ANO3: variants seen among roughly 807,000 people sequenced by gnomAD.
ANO3 encodes anoctamin 3, also known as anoctamin-3.
In ANO3, 99 loss-of-function variants were observed where a neutral mutation model predicts 144.8. That is an observed-to-expected ratio of 0.68 (90% CI 0.58 to 0.81). The LOEUF is 0.81. Ranked by LOEUF, ANO3 falls within the 30% of genes least tolerant of loss-of-function variation. ANO3 has a pLI of 0.00. For synonymous variants in ANO3, 414 were observed against 392.6 expected (o/e 1.05, Z -0.64); for missense variants, 905 against 1,202.2 (o/e 0.75, Z 3.66).
intron 11 of ANO3, among the ~76,000 whole-genome samples, chr11:26,545,727 A>G (rs867632097): frequency 1.3e-4 from 19 of 142,226 alleles, no homozygotes; most frequent in African/African-American, 4.9e-4. Context: ...AAAAAAAAAA[A>G]CAGATAAAAA....
At chr11:26,300,855 C>CTTTTTTTTTTTTTTTTTTTTTTTTTT (rs376885670) in intron 1 of ANO3, among the ~76,000 whole-genome samples, 3 of 129,068 alleles carry the variant, frequency 2.3e-5, no homozygotes, top group South Asian at 2.4e-4. Context: ...TCTTTTTTTT[C>CTTTTTTTTTTTTTTTTTTTTTTTTTT]TTTTTTTTTT....
At chr11:26,308,135 T>A (rs1314147094), upstream of ANO3, among the ~76,000 whole-genome samples, 4 of 152,232 alleles carry the variant, frequency 2.6e-5, no homozygotes, top group Non-Finnish European at 5.9e-5. Context: ...ATCATGTTGA[T>A]GGCACAATTG....
rs1176354123 is a variant in ANO3, at chr11:26,641,971, T to C, written c.2217T>C (p.Asn739=). ...ATGCTTCCATACCTCAGTGGGAAAA[T>C]GATTGGAATCTGCAGCCCATGAACC... The part of the protein sequence containing the change: ...IHDASIPQWE[N]DWNLQPMNLH... The change falls in exon 22 of 27, where the codon AAT becomes AAC. Residue 739 remains asparagine, a synonymous_variant. Coordinates refer to ENST00000256737, the MANE Select transcript of ANO3 (RefSeq NM_031418.4). 1 of 1,613,934 alleles carries C rather than the reference T, an allele frequency of 6.2e-7. No individual in the cohort carries two copies. The highest frequency in any genetic ancestry group is 8.5e-7 in the Non-Finnish European group (1 of 1,179,958).
At position 26,662,102 on chromosome 11, in the gene ANO3, T is replaced by A. The variant is rs1853894428; in HGVS notation, c.*1658T>A. The A allele has an allele frequency of 6.6e-6, 1 of 152,112 alleles. No homozygotes were observed. 9.4% of individuals were successfully genotyped at this position (152,112 alleles called of 1,614,324 possible). ...TTACTAGAAAACTATTTTCTAAATA[T>A]TAACACTGAAAATGTTTTGTTAGCT... On this transcript the variant is annotated 3_prime_UTR_variant, in exon 27 of 27. Transcript: ENST00000256737.
chr11:26,652,807 C>T (rs1056906316), intron 24 of ANO3, among the ~76,000 whole-genome samples: 1 of 152,154 alleles, frequency 6.6e-6, no homozygotes, highest in Admixed American at 6.5e-5. Flanking sequence ...TGTGTATGCC[C>T]CATGGCTCCG....
At chr11:26,583,928 G>T (rs544994619) in intron 14 of ANO3, among the ~76,000 whole-genome samples, 1 of 152,248 alleles carries the variant, frequency 6.6e-6, no homozygotes, top group African/African-American at 2.4e-5. Context: ...ACAATGCTTG[G>T]AGTTCCTTTT....
At chr11:26,492,950 T>C (rs1194617787) in intron 4 of ANO3, among the ~76,000 whole-genome samples, 1 of 152,178 alleles carries the variant, frequency 6.6e-6, no homozygotes, top group Non-Finnish European at 1.5e-5. Flanking sequence ...TAGGCTGCAC[T>C]GTTTCCCATA....
At chr11:26,433,871 T>C (rs1311763331) in intron 1 of ANO3, among the ~76,000 whole-genome samples, 3 of 152,146 alleles carry the variant, frequency 2.0e-5, no homozygotes, top group Non-Finnish European at 2.9e-5. Flanking sequence ...CTTTTTGTTA[T>C]GCCTCTACCA....
intron 18 of ANO3, among the ~76,000 whole-genome samples, chr11:26,627,838 T>TGTGTGTG (rs1852638093): frequency 7.0e-6 from 1 of 141,864 alleles, no homozygotes; most frequent in African/African-American, 2.7e-5. Flanking sequence ...TGTGTGTGTG[T>TGTGTGTG]GTGTGTGTGT....
At chr11:26,529,129 ATAATATATATTATATAATAATATAT>A (rs1565081431) in intron 7 of ANO3, among the ~76,000 whole-genome samples, 26 of 1,070 alleles carry the variant, frequency 0.024, 6 homozygotes, top group Non-Finnish European at 0.19. Context: ...TATATTATAT[ATAATATATATTATATAATAATATAT>A]ATTATATATA....
At chr11:26,656,322 G>T in intron 25 of ANO3, 54 bp from the exon 26 acceptor site, 1 of 1,468,848 alleles carries the variant, frequency 6.8e-7, no homozygotes, top group Non-Finnish European at 9.5e-7. Context: ...AGAAAATTTG[G>T]GCCTCCACTC....
intron 4 of ANO3, among the ~76,000 whole-genome samples, chr11:26,494,758 A>G (rs1224956554): frequency 3.3e-5 from 5 of 152,324 alleles, no homozygotes; most frequent in African/African-American, 1.2e-4. Context: ...TGCCTGACCC[A>G]TAAGTTCCTA....
At chr11:26,514,902 C>T (rs186378036) in intron 5 of ANO3, among the ~76,000 whole-genome samples, 4 of 152,126 alleles carry the variant, frequency 2.6e-5, no homozygotes, top group Admixed American at 6.6e-5. Flanking sequence ...GGAAGATTCA[C>T]TAAAAGAGAA....
intron 10 of ANO3, among the ~76,000 whole-genome samples, chr11:26,537,805 T>G (rs1565089315): frequency 1.3e-5 from 2 of 152,212 alleles, no homozygotes; most frequent in Non-Finnish European, 2.9e-5. Context: ...CCTACTACTT[T>G]GGGATACTTG....
At chr11:26,418,703 A>AGC (rs573513821) in intron 1 of ANO3, among the ~76,000 whole-genome samples, 40 of 151,724 alleles carry the variant, frequency 2.6e-4, no homozygotes, top group South Asian at 2.5e-3. Context: ...CAAACAAACA[A>AGC]GCGCGCGCGC....
intron 1 of ANO3, among the ~76,000 whole-genome samples, chr11:26,292,193 G>T (rs1853974379): frequency 6.6e-6 from 1 of 151,914 alleles, no homozygotes; most frequent in Non-Finnish European, 1.5e-5. Flanking sequence ...TCTTCCACTT[G>T]ATCCAATCAG....
chr11:26,303,277 G>T (rs577386938), intron 1 of ANO3, among the ~76,000 whole-genome samples: 10 of 152,190 alleles, frequency 6.6e-5, no homozygotes, highest in Non-Finnish European at 1.0e-4. Flanking sequence ...CAATGGAAAT[G>T]ACATGAGATC....
chr11:26,201,903 C>T (rs1449245789), intron 1 of ANO3, among the ~76,000 whole-genome samples: 1 of 151,324 alleles, frequency 6.6e-6, no homozygotes, highest in Non-Finnish European at 1.5e-5. Context: ...GAACATATAG[C>T]TATCAAATGG....
chr11:26,535,826 G>T (rs898099410), intron 9 of ANO3, among the ~76,000 whole-genome samples: 1 of 151,014 alleles, frequency 6.6e-6, no homozygotes, highest in Non-Finnish European at 1.5e-5. Flanking sequence ...CTGGTGATCT[G>T]CCCGCCTCAG....
Sources: allele counts gnomAD v4.1 joint callset (sites outside exome capture counted in the v4.1 genomes callset), GRCh38; gene constraint gnomAD v4.1.1; transcripts MANE v1.5; gene names NCBI Gene and HGNC (gene_info 2026-07-23, HGNC 2026-07-21).